DLG2: variants seen among roughly 807,000 people sequenced by gnomAD.
DLG2 encodes disks large homolog 2.
Under a neutral mutation model 132.5 loss-of-function variants are expected in DLG2, and 45 were observed. The observed-to-expected ratio is 0.34, with a 90% CI of 0.27 to 0.44. The LOEUF is 0.44. DLG2 is among the 20% of genes least tolerant of loss of function. DLG2 has a pLI of 1.00. For missense variants in DLG2, 1,045 were observed against 1,196.9 expected (o/e 0.87, Z 1.87); for synonymous variants, 424 against 419.6 (o/e 1.01, Z -0.13).
chr11:84,747,117 T>C (rs886445360), intron 6 of DLG2, among the ~76,000 whole-genome samples: 1 of 152,080 alleles, frequency 6.6e-6, no homozygotes, highest in Non-Finnish European at 1.5e-5. Context: ...ATGGGTTTTG[T>C]AGTTGAGGAA....
intron 7 of DLG2, among the ~76,000 whole-genome samples, chr11:84,514,166 G>C (rs906994165): frequency 6.6e-6 from 1 of 152,048 alleles, no homozygotes; most frequent in African/African-American, 2.4e-5. Context: ...AGTTAAAATG[G>C]CTTTTATCCA....
At chr11:84,213,054 T>C (rs1187517944) in intron 8 of DLG2, among the ~76,000 whole-genome samples, 1 of 152,166 alleles carries the variant, frequency 6.6e-6, no homozygotes, top group Non-Finnish European at 1.5e-5. Context: ...ATTCTTTACT[T>C]TCAGGAGGAG....
chr11:83,786,907 C>T lies in DLG2; in HGVS notation c.1723-115G>A, dbSNP rs888569934. On this transcript the variant is annotated intron_variant, in intron 17 of 27. Transcript: ENST00000376104. The stretch of plus-strand genomic sequence containing the variant: ...ACATTATATCACATGCCTCAGAAAC[C>T]CCTCATATCCTACTCAGGTGTTTGT... The T allele has an allele frequency of 9.8e-6, 7 of 714,228 alleles. 1 individual carries two copies. Among genetic ancestry groups the T allele is most frequent in the African/African-American group, 5.3e-5 (3 of 56,364 alleles). 44.2% of individuals were successfully genotyped at this position (714,228 alleles called of 1,614,324 possible).
intron 18 of DLG2, chr11:83,648,058 T>A (rs2068795449): frequency 6.6e-6 from 1 of 152,192 alleles, no homozygotes; most frequent in Non-Finnish European, 1.5e-5. Flanking sequence ...GACACAGAAT[T>A]ATTCCATGAA....
chr11:83,941,710 A>C (rs2082709542), intron 14 of DLG2, among the ~76,000 whole-genome samples: 1 of 152,276 alleles, frequency 6.6e-6, no homozygotes, highest in African/African-American at 2.4e-5. Flanking sequence ...ATGCTTTTAA[A>C]TCAGCATATG....
At chr11:84,583,300 T>C (rs928202974) in intron 6 of DLG2, among the ~76,000 whole-genome samples, 5 of 152,188 alleles carry the variant, frequency 3.3e-5, no homozygotes, top group Admixed American at 2.0e-4. Context: ...CTGTTGCTTT[T>C]AAAAGCATCT....
At chr11:84,748,388 T>C (rs960167893) in intron 6 of DLG2, among the ~76,000 whole-genome samples, 2 of 152,144 alleles carry the variant, frequency 1.3e-5, no homozygotes, top group South Asian at 4.1e-4. Flanking sequence ...AATAACTACA[T>C]AATGAGAAGT....
intron 4 of DLG2, among the ~76,000 whole-genome samples, chr11:85,271,957 G>C (rs79728119): frequency 0.012 from 1,804 of 152,296 alleles, 28 homozygotes; most frequent in African/African-American, 0.04. Flanking sequence ...GGGAAGGCAT[G>C]ATTAGTTTTG....
At chr11:84,655,637 G>A (rs1288234645) in intron 6 of DLG2, among the ~76,000 whole-genome samples, 1 of 151,944 alleles carries the variant, frequency 6.6e-6, no homozygotes, top group African/African-American at 2.4e-5. Context: ...TCTTGGCTTT[G>A]TCTTGTCATT....
At chr11:85,272,954 T>C (rs554372239) in intron 4 of DLG2, among the ~76,000 whole-genome samples, 153 of 152,122 alleles carry the variant, frequency 1.0e-3, no homozygotes, top group African/African-American at 3.5e-3. Flanking sequence ...ACACTACACA[T>C]CTACAACCAT....
At chr11:83,949,175 G>T (rs1182999944) in intron 14 of DLG2, among the ~76,000 whole-genome samples, 1 of 152,046 alleles carries the variant, frequency 6.6e-6, no homozygotes, top group African/African-American at 2.4e-5. Flanking sequence ...GGGTTTAAAA[G>T]CACTGTAGAA....
intron 17 of DLG2, among the ~76,000 whole-genome samples, chr11:83,789,383 GA>G (rs1408226105): frequency 6.8e-6 from 1 of 147,040 alleles, no homozygotes; most frequent in African/African-American, 2.5e-5. Context: ...GGCGGGGCGG[GA>G]GGGGGGGCAG....
chr11:85,081,239 G>T (rs538036020), intron 6 of DLG2, among the ~76,000 whole-genome samples: 1 of 152,272 alleles, frequency 6.6e-6, no homozygotes, highest in East Asian at 1.9e-4. Context: ...AATCAGACAT[G>T]GGAATAGTGT....
chr11:84,254,593 T>C (rs1476462914), intron 7 of DLG2, among the ~76,000 whole-genome samples: 2 of 152,218 alleles, frequency 1.3e-5, no homozygotes, highest in Non-Finnish European at 2.9e-5. Context: ...AATCTCATGA[T>C]ACCAAGACTG....
intron 7 of DLG2, among the ~76,000 whole-genome samples, chr11:84,519,155 G>A (rs916887135): frequency 1.3e-5 from 2 of 152,050 alleles, no homozygotes; most frequent in Non-Finnish European, 1.5e-5. Context: ...ATACCTTAAC[G>A]GTACAGAGAC....
At chr11:84,460,127 AT>A (rs2099076417) in intron 7 of DLG2, among the ~76,000 whole-genome samples, 1 of 150,424 alleles carries the variant, frequency 6.6e-6, no homozygotes, top group Non-Finnish European at 1.5e-5. Context: ...ATACTTTTTT[AT>A]TTTTTTGATC....
chr11:85,270,138 TCATCTTGAATTGTAACTCC>T (rs2077438653), intron 4 of DLG2, among the ~76,000 whole-genome samples: 1 of 152,182 alleles, frequency 6.6e-6, no homozygotes, highest in Non-Finnish European at 1.5e-5. Context: ...CACCCAAATC[TCATCTTGAATTGTAACTCC>T]CATAATTCCC....
At chr11:85,023,897 T>C (rs2060292089) in intron 6 of DLG2, among the ~76,000 whole-genome samples, 1 of 152,184 alleles carries the variant, frequency 6.6e-6, no homozygotes, top group South Asian at 2.1e-4. Flanking sequence ...AATTGAAGTT[T>C]ATGGAGTTTA....
rs1297861094 is a variant in DLG2 at position 83,760,886 on chromosome 11, CATGGGTTGTCTCTATAAAA to C, written c.1825+25785_1825+25803del. ...ACCTTTCTGCCTACATCAAGTACAT[CATGGGTTGTCTCTATAAAA>C]ATATTCCCTTATTTAACACCCTTTG... On this transcript the variant is annotated intron_variant, in intron 18 of 27. Coordinates refer to ENST00000376104, the MANE Select transcript of DLG2 (RefSeq NM_001142699.3). Among the ~76,000 whole-genome samples the C allele has an allele frequency of 3.3e-5, 5 of 152,132 alleles. No individual in the cohort carries two copies. In the East Asian group the frequency reaches 7.7e-4, roughly 23 times the overall value.
Sources: gnomAD v4.1 joint callset for allele counts (sites outside exome capture counted in the v4.1 genomes callset) on GRCh38, gnomAD v4.1.1 for gene constraint, MANE v1.5 for transcripts, NCBI Gene and HGNC (gene_info 2026-07-23, HGNC 2026-07-21) for gene names.